Variants in CCDC138 observed in about 807,000 individuals in gnomAD.
The protein encoded by CCDC138 is coiled-coil domain-containing protein 138.
A neutral mutation model predicts 82.3 loss-of-function variants in CCDC138; 66 were observed. The ratio of observed to expected loss-of-function variants is 0.80; its 90% CI spans 0.66 to 0.98. The LOEUF (loss-of-function observed/expected upper bound fraction) is 0.98. CCDC138 is among the 50% of genes least tolerant of loss of function. The probability of loss-of-function intolerance (pLI) is 0.00; values close to 1 mark genes in which losing one functional copy is unlikely to be tolerated. For missense variants in CCDC138, 816 were observed against 758.9 expected (o/e 1.08, Z -0.88); for synonymous variants, 297 against 265.4 (o/e 1.12, Z -1.16).
chr2:108,880,669 C>G (rs954655874), downstream of CCDC138, among the ~76,000 whole-genome samples: 4 of 152,088 alleles, frequency 2.6e-5, no homozygotes, highest in African/African-American at 9.7e-5. Context: ...AATGGAAGAA[C>G]AAAGCCTGGA....
At chr2:108,788,731 A>T (rs1679384382) in intron 2 of CCDC138, 121 bp from the exon 3 acceptor site, 9 of 1,408,520 alleles carry the variant, frequency 6.4e-6, no homozygotes. Context: ...AAGAAAAAAA[A>T]AGAAAAAAAA....
chr2:108,856,109 T>C (rs545239975), intron 12 of CCDC138, among the ~76,000 whole-genome samples: 4 of 152,334 alleles, frequency 2.6e-5, no homozygotes, highest in African/African-American at 9.6e-5. Flanking sequence ...TTGCAATGAT[T>C]CTGCTTAAAT....
chr2:108,846,161 A>G (rs1026819946), intron 11 of CCDC138, among the ~76,000 whole-genome samples: 3 of 152,170 alleles, frequency 2.0e-5, no homozygotes, highest in South Asian at 2.1e-4. Context: ...TGGTGGAGCA[A>G]TCAGCAACTG....
chr2:108,854,064 ATT>A (rs1439485536), intron 12 of CCDC138, among the ~76,000 whole-genome samples: 1 of 126,420 alleles, frequency 7.9e-6, no homozygotes, highest in African/African-American at 3.1e-5. Context: ...TATTATATAT[ATT>A]TTATATATAA....
intron 10 of CCDC138, among the ~76,000 whole-genome samples, chr2:108,825,161 TAGGG>T (rs1389304631): frequency 6.6e-6 from 1 of 152,072 alleles, no homozygotes; most frequent in Non-Finnish European, 1.5e-5. Flanking sequence ...GCGTAAATAA[TAGGG>T]AGGTGGGAGG....
intron 7 of CCDC138, among the ~76,000 whole-genome samples, chr2:108,810,240 T>A (rs1033811665): frequency 6.6e-6 from 1 of 152,234 alleles, no homozygotes; most frequent in African/African-American, 2.4e-5. Context: ...AGGAAAAATT[T>A]TCAGCTTTTC....
intron 12 of CCDC138, among the ~76,000 whole-genome samples, chr2:108,847,466 T>C (rs184243304): frequency 6.6e-6 from 1 of 152,322 alleles, no homozygotes; most frequent in Admixed American, 6.5e-5. Flanking sequence ...TGCACTAGCT[T>C]GTAAGTTTCC....
chr2:108,797,488 T>C (rs976424109), intron 5 of CCDC138, among the ~76,000 whole-genome samples: 5 of 152,112 alleles, frequency 3.3e-5, no homozygotes, highest in Admixed American at 3.3e-4. Flanking sequence ...GGAGTGATTC[T>C]GAAATGAGAG....
At chr2:108,851,252 G>A (rs997006242) in intron 12 of CCDC138, among the ~76,000 whole-genome samples, 13 of 152,090 alleles carry the variant, frequency 8.5e-5, no homozygotes, top group South Asian at 2.1e-4. Context: ...ATGTCCAGCC[G>A]TCTGGAAGCT....
intron 7 of CCDC138, among the ~76,000 whole-genome samples, chr2:108,809,550 G>C (rs2149775681): frequency 6.7e-6 from 1 of 149,742 alleles, no homozygotes; most frequent in Non-Finnish European, 1.5e-5. Context: ...CACTTCCTTG[G>C]TTAAATTTAT....
At chr2:108,809,175 G>A (rs894819842) in intron 7 of CCDC138, among the ~76,000 whole-genome samples, 1 of 152,096 alleles carries the variant, frequency 6.6e-6, no homozygotes, top group Non-Finnish European at 1.5e-5. Flanking sequence ...ATTAGTCTAT[G>A]TGTCTGTTTT....
chr2:108,875,765 G>A (rs141458989), intron 14 of CCDC138, among the ~76,000 whole-genome samples: 3,024 of 152,234 alleles, frequency 0.02, 99 homozygotes, highest in African/African-American at 0.069. Flanking sequence ...AGGCTGAGAT[G>A]GGAGGATTGC....
intron 6 of CCDC138, among the ~76,000 whole-genome samples, chr2:108,799,997 A>G (rs950545330): frequency 6.6e-6 from 1 of 152,076 alleles, no homozygotes; most frequent in Non-Finnish European, 1.5e-5. Flanking sequence ...TTCTGTCTTT[A>G]TATTTACATC....
chr2:108,866,752 G>A (rs865779888), intron 13 of CCDC138, among the ~76,000 whole-genome samples: 5 of 151,958 alleles, frequency 3.3e-5, no homozygotes, highest in African/African-American at 4.8e-5. Flanking sequence ...ACGCGGTGAC[G>A]GGTGCCTATA....
At chr2:108,845,571 ATTT>A (rs11345346) in intron 11 of CCDC138, among the ~76,000 whole-genome samples, 17 of 111,698 alleles carry the variant, frequency 1.5e-4, no homozygotes, top group Non-Finnish European at 1.3e-4. Flanking sequence ...CTTTCATTTG[ATTT>A]TTTTTTTTTT....
chr2:108,809,448 TTGTGTGTGTGTGTGTGTGTG>T (rs56122981), intron 7 of CCDC138, among the ~76,000 whole-genome samples: 6 of 141,138 alleles, frequency 4.3e-5, no homozygotes, highest in African/African-American at 1.6e-4. Context: ...ACATGAAATG[TTGTGTGTGTGTGTGTGTGTG>T]TGTGTGTGTG....
Position 108,798,604 on chromosome 2 carries a change from G to C in CCDC138, c.735+18G>C. The C allele has an allele frequency of 6.5e-7, 1 of 1,535,586 alleles. No individual in the cohort carries two copies. Among genetic ancestry groups the C allele is most frequent in the Non-Finnish European group, 8.9e-7 (1 of 1,127,150 alleles). Reference sequence around the variant, plus strand: ...TAAAAGAGGTAACTATATAGCCTTTGATTTTAGAGTGGTATATTTCTTCTT... The same window carrying C: ...TAAAAGAGGTAACTATATAGCCTTTCATTTTAGAGTGGTATATTTCTTCTT... On this transcript the variant is annotated intron_variant, in intron 6 of 14. Coordinates refer to ENST00000295124, the MANE Select transcript of CCDC138 (RefSeq NM_144978.3).
At chr2:108,800,519 C>G (rs1681731143) in intron 6 of CCDC138, among the ~76,000 whole-genome samples, 1 of 151,980 alleles carries the variant, frequency 6.6e-6, no homozygotes, top group East Asian at 1.9e-4. Flanking sequence ...CCTGCCTCGC[C>G]CTCCCAAAGT....
At chr2:108,842,729 A>T (rs970746259) in intron 11 of CCDC138, among the ~76,000 whole-genome samples, 3 of 152,160 alleles carry the variant, frequency 2.0e-5, no homozygotes, top group Non-Finnish European at 4.4e-5. Flanking sequence ...GGGGATGGGG[A>T]TTTAAAACTG....
Sources: allele counts gnomAD v4.1 joint callset (sites outside exome capture counted in the v4.1 genomes callset), GRCh38; gene constraint gnomAD v4.1.1; transcripts MANE v1.5; gene names NCBI Gene and HGNC (gene_info 2026-07-23, HGNC 2026-07-21).